The following TAFA4 variants were observed in gnomAD, a reference collection of about 807,000 sequenced individuals.
TAFA4 encodes TAFA chemokine like family member 4.
TAFA4 carries 20 observed loss-of-function variants against 21.1 expected under a neutral mutation model. The ratio of observed to expected loss-of-function variants is 0.95; its 90% confidence interval spans 0.67 to 1.38. TAFA4 has a LOEUF of 1.38. Among genes scored for constraint, TAFA4 ranks in the 40% most tolerant of loss-of-function variants. TAFA4 has a pLI of 0.00. For synonymous variants in TAFA4, 71 were observed against 67.4 expected (o/e 1.05, Z -0.26); for missense variants, 211 against 180.9 (o/e 1.17, Z -0.95).
At chr3:68,916,150 T>G (rs1015856382) in intron 1 of TAFA4, 16 of 152,364 alleles carry the variant, frequency 1.1e-4, no homozygotes, top group African/African-American at 3.4e-4. Flanking sequence ...ATGTTAATCA[T>G]TTATGAAATA....
intron 3 of TAFA4, among the ~76,000 whole-genome samples, chr3:68,800,267 C>T (rs1020564184): frequency 2.6e-5 from 4 of 152,064 alleles, no homozygotes; most frequent in African/African-American, 7.2e-5. Flanking sequence ...TGTTGGGAAC[C>T]ACTGCCCTAG....
At chr3:68,878,620 T>G (rs1575654645) in intron 3 of TAFA4, among the ~76,000 whole-genome samples, 1 of 152,212 alleles carries the variant, frequency 6.6e-6, no homozygotes, top group Non-Finnish European at 1.5e-5. Context: ...GGCCTCCTTT[T>G]AAAAGAAACG....
chr3:68,888,500 C>T (rs2089697201), intron 1 of TAFA4, among the ~76,000 whole-genome samples: 2 of 152,148 alleles, frequency 1.3e-5, no homozygotes, highest in Admixed American at 1.3e-4. Flanking sequence ...TCCAAAGCTG[C>T]TTCCACATTT....
intron 1 of TAFA4, among the ~76,000 whole-genome samples, chr3:68,922,546 A>G (rs1427070054): frequency 6.6e-6 from 1 of 152,234 alleles, no homozygotes; most frequent in African/African-American, 2.4e-5. Flanking sequence ...GGATCATGAA[A>G]CTTACATATG....
intron 3 of TAFA4, among the ~76,000 whole-genome samples, chr3:68,781,444 A>G (rs1276186361): frequency 1.3e-5 from 2 of 152,030 alleles, no homozygotes; most frequent in Non-Finnish European, 2.9e-5. Flanking sequence ...AAAAAGGGAA[A>G]CATCACTACT....
At chr3:68,843,247 TC>T (rs2106897352) in intron 3 of TAFA4, among the ~76,000 whole-genome samples, 1 of 152,290 alleles carries the variant, frequency 6.6e-6, no homozygotes, top group South Asian at 2.1e-4. Context: ...GTCCTTCACA[TC>T]CCTTGTAAGT....
At chr3:68,839,076 A>C in intron 3 of TAFA4, among the ~76,000 whole-genome samples, 1 of 152,166 alleles carries the variant, frequency 6.6e-6, no homozygotes, top group East Asian at 1.9e-4. Context: ...CCAGCCTGGG[A>C]GACAGAGCGA....
intron 1 of TAFA4, among the ~76,000 whole-genome samples, chr3:68,928,275 G>A (rs778119392): frequency 6.6e-6 from 1 of 152,164 alleles, no homozygotes; most frequent in Non-Finnish European, 1.5e-5. Context: ...ACACGCTACA[G>A]CTGGCACATA....
intron 1 of TAFA4, among the ~76,000 whole-genome samples, chr3:68,896,838 T>A (rs1034421599): frequency 5.3e-5 from 8 of 152,154 alleles, no homozygotes; most frequent in Admixed American, 6.5e-5. Flanking sequence ...AACTATAAGG[T>A]CCAAGTTTCA....
rs201172771 is a variant in TAFA4 at position 68,875,917 on chromosome 3, T to TAAAAA, written c.130+4808_130+4812dup. On this transcript the variant is annotated intron_variant, in intron 3 of 5. Transcript: ENST00000295569. ...TTCTAAATTTAGTAGTCATTTGTTT[T>TAAAAA]AAAAAAAAAAAAGAGAGAGAGAACT... 8.7e-4 allele frequency among the ~76,000 whole-genome samples: 125 copies of TAAAAA among 144,266 alleles called. 1 individual carries two copies. The highest frequency in any genetic ancestry group is 3.0e-3 in the African/African-American group (118 of 39,644). The allele number at this position is 144,266 out of a possible 152,430, so 94.6% of individuals were successfully genotyped here. A position where few individuals can be genotyped will look rare whatever the true frequency, so the allele number is the denominator to read the frequency against.
chr3:68,866,007 A>C (rs571994648), intron 3 of TAFA4, among the ~76,000 whole-genome samples: 1 of 152,216 alleles, frequency 6.6e-6, no homozygotes, highest in African/African-American at 2.4e-5. Context: ...CAGCTTCCAA[A>C]CCATCTTGGG....
chr3:68,869,785 CT>C, intron 3 of TAFA4, among the ~76,000 whole-genome samples: 1 of 152,010 alleles, frequency 6.6e-6, no homozygotes, highest in Middle Eastern at 3.4e-3. Context: ...AGACATTTCT[CT>C]AAGATCTGGA....
In TAFA4 at chr3:68,783,671, CACAG is replaced by C. The variant is rs1394457002; in HGVS notation, c.131-30657_131-30654del. Among the ~76,000 whole-genome samples the C allele has an allele frequency of 5.3e-3, 515 of 96,274 alleles. 11 individuals are homozygous for C. The highest frequency in any genetic ancestry group is 0.021 in the African/African-American group (465 of 22,680). The allele number at this position is 96,274 out of a possible 152,430, so 63.2% of individuals were successfully genotyped here. On this transcript the variant is annotated intron_variant, in intron 3 of 5. Transcript: ENST00000295569. ...CAAAGAAAAATCACAGACACACACA[CACAG>C]AGAGAGAGAGAGAGAGAGAGAGAGA...
At chr3:68,898,706 A>T (rs566172175) in intron 1 of TAFA4, among the ~76,000 whole-genome samples, 2 of 152,326 alleles carry the variant, frequency 1.3e-5, no homozygotes, top group African/African-American at 4.8e-5. Context: ...CGGACCAATC[A>T]AGCACTTTAT....
intron 3 of TAFA4, among the ~76,000 whole-genome samples, chr3:68,878,211 C>A (rs1421190273): frequency 2.0e-5 from 3 of 152,154 alleles, no homozygotes; most frequent in Non-Finnish European, 4.4e-5. Flanking sequence ...ATTCAAAGTT[C>A]TCTAGGGAAA....
chr3:68,877,796 C>T (rs970213287), intron 3 of TAFA4, among the ~76,000 whole-genome samples: 3 of 152,200 alleles, frequency 2.0e-5, no homozygotes, highest in Non-Finnish European at 4.4e-5. Flanking sequence ...TCACAGTCTT[C>T]AGCTGTTCCT....
chr3:68,899,551 C>A, intron 1 of TAFA4, among the ~76,000 whole-genome samples: 1 of 152,184 alleles, frequency 6.6e-6, no homozygotes, highest in East Asian at 1.9e-4. Flanking sequence ...ACATTTATAA[C>A]GCATTACAAC....
chr3:68,902,258 C>G (rs1016090842), intron 1 of TAFA4, among the ~76,000 whole-genome samples: 2 of 152,014 alleles, frequency 1.3e-5, no homozygotes, highest in African/African-American at 2.4e-5. Context: ...TCTTAACCAT[C>G]GGGCAACTCT....
chr3:68,782,235 A>G (rs893297809), intron 3 of TAFA4, among the ~76,000 whole-genome samples: 1 of 152,216 alleles, frequency 6.6e-6, no homozygotes, highest in African/African-American at 2.4e-5. Context: ...GTCGAGAAGC[A>G]TATGAAAAGA....
Sources: gnomAD v4.1 joint callset for allele counts (sites outside exome capture counted in the v4.1 genomes callset) on GRCh38, gnomAD v4.1.1 for gene constraint, MANE v1.5 for transcripts, NCBI Gene and HGNC (gene_info 2026-07-23, HGNC 2026-07-21) for gene names.